ROBO2: variants seen among roughly 807,000 people sequenced by gnomAD.
The protein encoded by ROBO2 is roundabout guidance receptor 2.
Under a neutral mutation model 160.8 loss-of-function variants are expected in ROBO2, and 53 were observed. The observed-to-expected ratio is 0.33, with a 90% CI of 0.26 to 0.41. The LOEUF is 0.41. ROBO2 is among the 10% of genes least tolerant of loss of function. ROBO2 has a pLI of 1.00. For synonymous variants in ROBO2, 664 were observed against 611.7 expected, an observed-to-expected ratio of 1.09 and a Z score of -1.26; for missense variants, 1,577 against 1,722.4, an observed-to-expected ratio of 0.92 and a Z score of 1.49.
intron 1 of ROBO2, among the ~76,000 whole-genome samples, chr3:77,090,417 G>A (rs954302904): frequency 7.4e-6 from 1 of 134,436 alleles, no homozygotes; most frequent in Non-Finnish European, 1.5e-5. Flanking sequence ...GCAGTGGCGC[G>A]ATCTCGGCTC....
chr3:77,105,398 T>C (rs1303497051), intron 2 of ROBO2, among the ~76,000 whole-genome samples: 2 of 152,192 alleles, frequency 1.3e-5, no homozygotes, highest in African/African-American at 2.4e-5. Flanking sequence ...AGATTTCATA[T>C]ATTTTTGGTG....
chr3:76,595,155 A>G (rs1560204819), intron 2 of ROBO2, among the ~76,000 whole-genome samples: 1 of 152,032 alleles, frequency 6.6e-6, no homozygotes, highest in Non-Finnish European at 1.5e-5. Context: ...CAGCTTCTAG[A>G]ACTCAGGAAT....
intron 2 of ROBO2, among the ~76,000 whole-genome samples, chr3:77,322,903 G>T (rs1370493950): frequency 2.0e-5 from 1 of 49,272 alleles, no homozygotes; most frequent in African/African-American, 6.4e-5. Flanking sequence ...CATATATTAT[G>T]TATTATAATA....
At chr3:76,698,294 G>A (rs775218269) in intron 2 of ROBO2, among the ~76,000 whole-genome samples, 1 of 152,154 alleles carries the variant, frequency 6.6e-6, no homozygotes, top group Admixed American at 6.5e-5. Context: ...GTGTTTTATC[G>A]ACAGGTTCCC....
intron 1 of ROBO2, among the ~76,000 whole-genome samples, chr3:75,921,233 C>G (rs1439597112): frequency 1.3e-5 from 2 of 151,888 alleles, no homozygotes; most frequent in African/African-American, 2.4e-5. Context: ...CTGATGGTGA[C>G]TAAATCTCTC....
intron 2 of ROBO2, among the ~76,000 whole-genome samples, chr3:76,207,081 A>G (rs982285341): frequency 6.6e-6 from 1 of 152,224 alleles, no homozygotes; most frequent in Non-Finnish European, 1.5e-5. Context: ...CACAAACTCT[A>G]TCAGAAGCAT....
At chr3:77,407,928 TACTA>T (rs2076386891) in intron 2 of ROBO2, among the ~76,000 whole-genome samples, 1 of 152,208 alleles carries the variant, frequency 6.6e-6, no homozygotes, top group South Asian at 2.1e-4. Context: ...CTTTACGTGT[TACTA>T]ACAGATTTAA....
At chr3:76,829,886 T>A (rs1053853223) in intron 2 of ROBO2, among the ~76,000 whole-genome samples, 5 of 152,178 alleles carry the variant, frequency 3.3e-5, no homozygotes, top group Non-Finnish European at 5.9e-5. Flanking sequence ...CAGGTTGGTT[T>A]CGAACCTCTG....
chr3:77,175,471 CGAT>C (rs1427631114), intron 2 of ROBO2, among the ~76,000 whole-genome samples: 1 of 151,866 alleles, frequency 6.6e-6, no homozygotes, highest in Admixed American at 6.6e-5. Context: ...AATTGGCACA[CGAT>C]GAGGAATCGC....
chr3:77,202,930 T>A (rs894085864), intron 2 of ROBO2, among the ~76,000 whole-genome samples: 4 of 152,204 alleles, frequency 2.6e-5, no homozygotes, highest in African/African-American at 9.6e-5. Flanking sequence ...GGTTCCGAAC[T>A]TTTCCAGCAG....
At chr3:76,988,165 T>C (rs961712034) in intron 2 of ROBO2, among the ~76,000 whole-genome samples, 1 of 152,156 alleles carries the variant, frequency 6.6e-6, no homozygotes, top group Non-Finnish European at 1.5e-5. Flanking sequence ...AATAATCAGT[T>C]GATGTACTCA....
intron 2 of ROBO2, among the ~76,000 whole-genome samples, chr3:75,984,549 AT>A (rs1300283301): frequency 1.3e-5 from 2 of 151,506 alleles, no homozygotes; most frequent in African/African-American, 4.8e-5. Context: ...ATAAATTTAA[AT>A]TTTTATACTA....
intron 2 of ROBO2, among the ~76,000 whole-genome samples, chr3:76,424,247 C>T (rs1368283139): frequency 6.6e-6 from 1 of 152,140 alleles, no homozygotes; most frequent in Non-Finnish European, 1.5e-5. Flanking sequence ...AATTGAACAA[C>T]TGACATTCAC....
At chr3:75,919,431 C>T (rs533165751) in intron 1 of ROBO2, among the ~76,000 whole-genome samples, 114 of 152,140 alleles carry the variant, frequency 7.5e-4, no homozygotes, top group African/African-American at 2.4e-3. Flanking sequence ...CTGCTGGATT[C>T]GCTTGCCAGT....
Position 76,948,906 on chromosome 3 carries a change from ATATTTTTTTTT to A in ROBO2, c.110-149106_110-149096del, listed in dbSNP as rs1379919602. 6.5e-3 allele frequency among the ~76,000 whole-genome samples: 135 copies of A among 20,828 alleles called. 1 individual carries two copies. Among genetic ancestry groups the A allele is most frequent in the African/African-American group, 0.025 (125 of 4,904 alleles). 13.7% of individuals were successfully genotyped at this position (20,828 alleles called of 152,430 possible). A position where few individuals can be genotyped will look rare whatever the true frequency, so the allele number is the denominator to read the frequency against. ...TATATATATATATATATATATATAT[ATATTTTTTTTT>A]TTTTTTTTTTTTTAGTAGAGATGGG... On this transcript the variant is annotated intron_variant, in intron 2 of 26. Coordinates refer to the ROBO2 transcript ENST00000487694.
rs1428610739 is a variant in ROBO2 at position 76,397,918 on chromosome 3, G to A, written c.109+460316G>A. Among the ~76,000 whole-genome samples the A allele has an allele frequency of 1.7e-4, 26 of 152,002 alleles. 1 individual carries two copies. The highest frequency in any genetic ancestry group is 5.3e-4 in the African/African-American group (22 of 41,414). Reference sequence around the variant, plus strand: ...CAACCATTGTGGAAGTCAGTGTGGCGATTCCTCAGGGATCTAGAACTAGAA... The same window carrying A: ...CAACCATTGTGGAAGTCAGTGTGGCAATTCCTCAGGGATCTAGAACTAGAA... On this transcript the variant is annotated intron_variant, in intron 2 of 26. Transcript: ENST00000487694.
chr3:77,196,359 A>G (rs575486444), intron 2 of ROBO2, among the ~76,000 whole-genome samples: 4 of 149,644 alleles, frequency 2.7e-5, no homozygotes, highest in South Asian at 4.2e-4. Context: ...GAACTCAATT[A>G]CAAAGAACAG....
At chr3:76,141,273 G>A (rs1044703161) in intron 2 of ROBO2, among the ~76,000 whole-genome samples, 2 of 144,004 alleles carry the variant, frequency 1.4e-5, no homozygotes, top group African/African-American at 2.6e-5. Flanking sequence ...TGGAAGAAGC[G>A]ATAGCCAATT....
chr3:76,532,760 A>C (rs1304013089), intron 2 of ROBO2, among the ~76,000 whole-genome samples: 2 of 152,314 alleles, frequency 1.3e-5, no homozygotes, highest in African/African-American at 2.4e-5. Context: ...CAAAAAGGGA[A>C]ACAGTTCTAC....
Sources: gnomAD v4.1 joint callset for allele counts (sites outside exome capture counted in the v4.1 genomes callset) on GRCh38, gnomAD v4.1.1 for gene constraint, MANE v1.5 for transcripts, NCBI Gene and HGNC (gene_info 2026-07-23, HGNC 2026-07-21) for gene names.